EXOC4: variants seen among roughly 807,000 people sequenced by gnomAD.
The protein encoded by EXOC4 is exocyst complex component 4.
Under a neutral mutation model 107.2 loss-of-function variants are expected in EXOC4, and 71 were observed. That is an observed-to-expected ratio of 0.66 (90% confidence interval 0.55 to 0.81). The LOEUF (loss-of-function observed/expected upper bound fraction) is 0.81. Among genes scored for constraint, EXOC4 ranks in the 30% least tolerant of loss-of-function variants. The pLI is 0.00. For missense variants in EXOC4, 1,108 were observed against 1,189.6 expected, an observed-to-expected ratio of 0.93 and a Z score of 1.01; for synonymous variants, 456 against 441.2, an observed-to-expected ratio of 1.03 and a Z score of -0.42.
At chr7:133,368,542 TTACA>T (rs1159348710) in intron 6 of EXOC4, among the ~76,000 whole-genome samples, 1 of 152,184 alleles carries the variant, frequency 6.6e-6, no homozygotes, top group Non-Finnish European at 1.5e-5. Context: ...TTTTTAAGTG[TTACA>T]TTCATATATA....
At chr7:133,370,036 G>GC (rs1176717929) in intron 6 of EXOC4, among the ~76,000 whole-genome samples, 3 of 151,850 alleles carry the variant, frequency 2.0e-5, no homozygotes, top group Non-Finnish European at 4.4e-5. Flanking sequence ...CAGGTGATCC[G>GC]CCACCTCGGC....
At chr7:133,541,973 G>A (rs760269482) in intron 9 of EXOC4, among the ~76,000 whole-genome samples, 4 of 151,998 alleles carry the variant, frequency 2.6e-5, no homozygotes, top group Non-Finnish European at 2.9e-5. Flanking sequence ...TTTGCTTTCC[G>A]GTAGATTCAA....
At chr7:133,413,344 C>G (rs1797404608) in intron 7 of EXOC4, among the ~76,000 whole-genome samples, 1 of 151,586 alleles carries the variant, frequency 6.6e-6, no homozygotes, top group Non-Finnish European at 1.5e-5. Context: ...TACCAGGGGG[C>G]ATTCTTAATT....
At chr7:133,384,896 T>C (rs983176043) in intron 7 of EXOC4, among the ~76,000 whole-genome samples, 2 of 151,770 alleles carry the variant, frequency 1.3e-5, no homozygotes, top group Admixed American at 1.3e-4. Flanking sequence ...GTTTTGTGAG[T>C]CAGGAATTCA....
At chr7:134,030,288 A>G (rs1795239074) in intron 17 of EXOC4, among the ~76,000 whole-genome samples, 1 of 152,224 alleles carries the variant, frequency 6.6e-6, no homozygotes, top group South Asian at 2.1e-4. Context: ...TGTTTATAGC[A>G]GTAGGTAGTA....
At chr7:133,714,377 T>C (rs1794957919) in intron 10 of EXOC4, among the ~76,000 whole-genome samples, 1 of 152,172 alleles carries the variant, frequency 6.6e-6, no homozygotes, top group Admixed American at 6.5e-5. Flanking sequence ...AGGAATCAAT[T>C]GTGTTAGCAA....
chr7:133,756,581 C>T (rs1795922238), intron 10 of EXOC4, among the ~76,000 whole-genome samples: 1 of 152,134 alleles, frequency 6.6e-6, no homozygotes, highest in East Asian at 1.9e-4. Context: ...TTGAATCCTC[C>T]TCCATTTAAA....
intron 10 of EXOC4, among the ~76,000 whole-genome samples, chr7:133,690,079 AT>A (rs1794387447): frequency 6.6e-6 from 1 of 152,046 alleles, no homozygotes; most frequent in Non-Finnish European, 1.5e-5. Flanking sequence ...CTGTTTGGAG[AT>A]TTGGCTATCA....
chr7:133,781,856 C>T (rs1796475066), intron 10 of EXOC4, among the ~76,000 whole-genome samples: 1 of 152,160 alleles, frequency 6.6e-6, no homozygotes, highest in Non-Finnish European at 1.5e-5. Flanking sequence ...TTAGTTTCAC[C>T]AGCTGTGAAA....
chr7:133,455,225 G>C (rs1228566971), intron 7 of EXOC4, among the ~76,000 whole-genome samples: 1 of 152,166 alleles, frequency 6.6e-6, no homozygotes, highest in Admixed American at 6.5e-5. Flanking sequence ...TAAGATATTT[G>C]AGGAAGGGGT....
At chr7:133,465,638 A>G (rs73724598) in intron 7 of EXOC4, among the ~76,000 whole-genome samples, 9,851 of 152,272 alleles carry the variant, frequency 0.065, 1,118 homozygotes, top group African/African-American at 0.22. Flanking sequence ...TATATGCTAG[A>G]TCATCAAGTA....
At chr7:133,900,906 G>C (rs6972412) in intron 12 of EXOC4, among the ~76,000 whole-genome samples, 73,025 of 151,950 alleles carry the variant, frequency 0.48, 19,253 homozygotes, top group African/African-American at 0.7. Context: ...TTCTCACTCT[G>C]TTGCCCAGGC....
At chr7:133,659,166 G>A (rs987780024) in intron 10 of EXOC4, among the ~76,000 whole-genome samples, 2 of 151,932 alleles carry the variant, frequency 1.3e-5, no homozygotes. Context: ...TGTGATGTGA[G>A]GGCAGTTTAG....
intron 14 of EXOC4, among the ~76,000 whole-genome samples, chr7:133,990,057 A>G (rs1794215117): frequency 6.6e-6 from 1 of 152,198 alleles, no homozygotes; most frequent in Non-Finnish European, 1.5e-5. Flanking sequence ...TGATAAATGT[A>G]TACAATGTAT....
intron 13 of EXOC4, among the ~76,000 whole-genome samples, chr7:133,922,925 A>G (rs1490623402): frequency 6.6e-6 from 1 of 151,604 alleles, no homozygotes; most frequent in African/African-American, 2.4e-5. Context: ...GTGTATTCAT[A>G]CATTCATCAT....
chr7:134,048,724 A>T (rs1397387290), intron 17 of EXOC4, among the ~76,000 whole-genome samples: 1 of 152,092 alleles, frequency 6.6e-6, no homozygotes, highest in African/African-American at 2.4e-5. Context: ...CCTGAAGGAG[A>T]CATACTAGAG....
intron 10 of EXOC4, among the ~76,000 whole-genome samples, chr7:133,717,081 A>T (rs1428943154): frequency 6.6e-6 from 1 of 152,260 alleles, no homozygotes; most frequent in Non-Finnish European, 1.5e-5. Flanking sequence ...ACATTTTTTA[A>T]AAAAATTGGT....
intron 7 of EXOC4, among the ~76,000 whole-genome samples, chr7:133,428,862 T>C (rs938350070): frequency 1.3e-5 from 2 of 152,236 alleles, no homozygotes; most frequent in African/African-American, 4.8e-5. Context: ...AGTATCATCA[T>C]TTTTCTTAAA....
chr7:134,035,381 C>T (rs896192777), intron 17 of EXOC4, among the ~76,000 whole-genome samples: 4 of 151,944 alleles, frequency 2.6e-5, no homozygotes, highest in Non-Finnish European at 5.9e-5. Context: ...ATAGTGTCAT[C>T]GTAAAAGTGG....
Sources: allele counts gnomAD v4.1 joint callset (sites outside exome capture counted in the v4.1 genomes callset), GRCh38; gene constraint gnomAD v4.1.1; transcripts MANE v1.5; gene names NCBI Gene and HGNC (gene_info 2026-07-23, HGNC 2026-07-21).